Variants in TTLL10 observed in about 807,000 individuals in gnomAD.
The protein encoded by TTLL10 is inactive polyglycylase TTLL10.
In TTLL10, 61 loss-of-function variants were observed where a neutral mutation model predicts 69.0. The observed-to-expected ratio is 0.88, with a 90% CI of 0.72 to 1.09. TTLL10 has a LOEUF of 1.09. TTLL10 is among the 50% of genes least tolerant of loss of function. The probability of loss-of-function intolerance (pLI) is 0.00; values close to 1 mark genes in which losing one functional copy is unlikely to be tolerated. For missense variants in TTLL10, 962 were observed against 945.9 expected, an observed-to-expected ratio of 1.02 and a Z score of -0.22; for synonymous variants, 408 against 393.3, an observed-to-expected ratio of 1.04 and a Z score of -0.44.
In TTLL10 at chr1:1,181,238, TA is replaced by T. The variant is rs1647059006; in HGVS notation, c.755+379del. 6.6e-6 allele frequency among the ~76,000 whole-genome samples: 1 copy of T among 151,404 alleles called. No individual in the cohort carries two copies. The highest frequency in any genetic ancestry group is 2.1e-4 in the South Asian group (1 of 4,772). On this transcript the variant is annotated intron_variant, in intron 8 of 15. Transcript: ENST00000379289. The surrounding 1 kb of genome is among the most constrained non-coding windows in gnomAD (Gnocchi z 4.6). ...TGTCCATCTCACAGACCCACCCAGG[TA>T]CAACCCACCTGTCAATCTGCCTTCA...
At chr1:1,182,523 A>G in intron 10 of TTLL10, 77 bp downstream of exon 10, 3 of 1,473,156 alleles carry the variant, frequency 2.0e-6, no homozygotes, top group Non-Finnish European at 2.8e-6. Context: ...GGGGCTGATG[A>G]GGGCAGGGCT....
In TTLL10 at chr1:1,181,670, C is replaced by T; in HGVS notation, c.756-71C>T. ...CCCACTCACCACCCATGCCCCATCC[C>T]CCAGTCCCCACCCGCTCCAAGCACC... On this transcript the variant is annotated intron_variant, in intron 8 of 15. Transcript: ENST00000379289. The surrounding 1 kb of genome is among the most constrained non-coding windows in gnomAD (Gnocchi z 4.6). 6.9e-7 allele frequency: 1 copy of T among 1,450,178 alleles called. No homozygotes were observed. Among genetic ancestry groups the T allele is most frequent in the Non-Finnish European group, 9.4e-7 (1 of 1,064,200 alleles). 89.8% of individuals were successfully genotyped at this position (1,450,178 alleles called of 1,614,324 possible). A position where few individuals can be genotyped will look rare whatever the true frequency, so the allele number is the denominator to read the frequency against.
intron 4 of TTLL10, 109 bp from the exon 5 acceptor site, chr1:1,179,548 G>A (rs546679547): frequency 1.3e-5 from 19 of 1,504,716 alleles, no homozygotes; most frequent in Admixed American, 6.1e-5. Flanking sequence ...CCAGGGTTCC[G>A]CCTGGCTGGC....
chr1:1,179,660 C>T lies in TTLL10; in HGVS notation c.122C>T (p.Thr41Ile). The change falls in exon 5 of 16, where the codon ACC becomes ATC. Residue 41 changes from threonine to isoleucine, a missense_variant. By Grantham distance (89) the Thr-to-Ile change is moderately conservative. Coordinates refer to ENST00000379289, the MANE Select transcript of TTLL10 (RefSeq NM_001130045.2). ...QQRPRARVSG[T>I]IPASRLHPAP... Reference sequence around the variant, plus strand: ...CATTGTGACCCCTGCCCTCCAGGGACCATCCCTGCGTCACGTCTGCACCCA... The same window carrying T: ...CATTGTGACCCCTGCCCTCCAGGGATCATCCCTGCGTCACGTCTGCACCCA... The T allele has an allele frequency of 1.3e-6, 2 of 1,550,988 alleles. No individual in the cohort carries two copies.
rs1377916967 is a variant in TTLL10 at position 1,182,987 on chromosome 1, A to G, written c.1028A>G (p.Glu343Gly). The G allele has an allele frequency of 1.2e-6, 2 of 1,609,602 alleles. No homozygotes were observed. Among genetic ancestry groups the G allele is most frequent in the Non-Finnish European group, 1.7e-6 (2 of 1,178,568 alleles). The change falls in exon 11 of 16, where the codon GAG (glutamate) becomes GGG (glycine). Residue 343 changes from glutamate to glycine, a missense_variant. Coordinates refer to ENST00000379289, the MANE Select transcript of TTLL10 (RefSeq NM_001130045.2). ...AALQAKTRSM[E>G]DDPIHHKTPF... ...CTGCAGGCCAAGACCCGGAGCATGGAGGACGACCCCATCCACCACAAGACG... is the reference window on the plus strand; with the variant it reads ...CTGCAGGCCAAGACCCGGAGCATGGGGGACGACCCCATCCACCACAAGACG...
At chr1:1,174,656 G>C (rs1313054360) in intron 3 of TTLL10, 167 bp downstream of exon 3, 1 of 152,168 alleles carries the variant, frequency 6.6e-6, no homozygotes, top group East Asian at 1.9e-4. Context: ...ATCTCGGAGT[G>C]AGACGCTTTC....
At position 1,180,308 on chromosome 1, in the gene TTLL10, C is replaced by A. The variant is rs1341641595; in HGVS notation, c.474C>A (p.Phe158Leu). 6.3e-6 allele frequency: 10 copies of A among 1,584,998 alleles called. No homozygotes were observed. Among genetic ancestry groups the A allele is most frequent in the East Asian group, 2.3e-5 (1 of 43,292 alleles). The change falls in exon 6 of 16, where the codon TTC becomes TTA. Residue 158 changes from phenylalanine to leucine, a missense_variant. By Grantham distance (22) the Phe-to-Leu change is conservative. Coordinates refer to ENST00000379289, the MANE Select transcript of TTLL10 (RefSeq NM_001130045.2). ...PSPHSTRPGP[F>L]FYIGGSNGAT... ...CCCACAGCACCCGGCCGGGGCCCTT[C>A]TTCTACATTGGAGGCAGCAACGGGG... is the stretch of plus-strand genomic sequence containing the variant.
chr1:1,180,651 C>T lies in TTLL10; in HGVS notation c.625+50C>T, dbSNP rs369729420. ...GGGCAGCCTGCAGGGGCCTCCTGGG[C>T]CGGAGCACAGGGCAGGTTGGAGGGG... On this transcript the variant is annotated intron_variant, in intron 7 of 15. Transcript: ENST00000379289. 17 of 1,554,612 alleles carry T rather than the reference C, an allele frequency of 1.1e-5. No individual in the cohort carries two copies. The African/African-American group carries it at 1.9e-4, about 17-fold the overall frequency.
At chr1:1,186,515 G>A (rs935590074) in intron 13 of TTLL10, among the ~76,000 whole-genome samples, 1 of 152,282 alleles carries the variant, frequency 6.6e-6, no homozygotes, top group African/African-American at 2.4e-5. Context: ...AAAAATGTTT[G>A]TATGAATATA....
rs1647063005 is a variant in TTLL10, at chr1:1,181,357, G to T, written c.756-384G>T. Among the ~76,000 whole-genome samples the T allele has an allele frequency of 4.0e-5, 6 of 151,778 alleles. No homozygotes were observed. In the South Asian group the frequency reaches 1.2e-3, roughly 32 times the overall value. On this transcript the variant is annotated intron_variant, in intron 8 of 15. Transcript: ENST00000379289. This position sits in a 1 kb window ranked among gnomAD's most constrained non-coding sequence, Gnocchi z 4.6. The stretch of plus-strand genomic sequence containing the variant: ...GTGAGGCCGTCCATCGCTCACCCAA[G>T]TCTGGGCCATCCATCCTAGCGACTT...
rs923694495 is a variant in TTLL10, at chr1:1,174,452, C to A, written c.-65C>A. ...TAAAAGTCTCTTCTGTTCATCCTAC[C>A]GGGGTGCCGTCTCCTGCCGGTCTTT... On this transcript the variant is annotated 5_prime_UTR_variant, in exon 3 of 16. Coordinates refer to ENST00000379289, the MANE Select transcript of TTLL10 (RefSeq NM_001130045.2). 2 of 152,460 alleles carry A rather than the reference C, an allele frequency of 1.3e-5. No individual in the cohort carries two copies. The highest frequency in any genetic ancestry group is 2.4e-5 in the African/African-American group (1 of 41,466). 9.4% of individuals were successfully genotyped at this position (152,460 alleles called of 1,614,324 possible). A position where few individuals can be genotyped will look rare whatever the true frequency, so the allele number is the denominator to read the frequency against.
At chr1:1,197,241 C>T in intron 15 of TTLL10, 55 bp downstream of exon 15, 3 of 1,478,400 alleles carry the variant, frequency 2.0e-6, no homozygotes, top group Admixed American at 2.0e-5. Flanking sequence ...TCTTGAATGC[C>T]TACCTGCCCT....
At position 1,181,311 on chromosome 1, in the gene TTLL10, C is replaced by T. The variant is rs568380338; in HGVS notation, c.756-430C>T. Among the ~76,000 whole-genome samples the T allele has an allele frequency of 1.5e-4, 23 of 152,034 alleles. No individual in the cohort carries two copies. The highest frequency in any genetic ancestry group is 4.6e-4 in the Admixed American group (7 of 15,278). On this transcript the variant is annotated intron_variant, in intron 8 of 15. Coordinates refer to ENST00000379289, the MANE Select transcript of TTLL10 (RefSeq NM_001130045.2). This position sits in a 1 kb window ranked among gnomAD's most constrained non-coding sequence, Gnocchi z 4.6. ...ATCCACAATCCCACACCGTGCCCAC[C>T]GTCACCTGTGGGTGCCCTGAGTGAG... is the stretch of plus-strand genomic sequence containing the variant.
At chr1:1,194,656 G>A (rs1029949173) in intron 13 of TTLL10, among the ~76,000 whole-genome samples, 1 of 152,114 alleles carries the variant, frequency 6.6e-6, no homozygotes, top group Non-Finnish European at 1.5e-5. Context: ...CCCACCTCAC[G>A]ACCTCTAATG....
At chr1:1,183,705 C>T (rs942987971) in intron 11 of TTLL10, among the ~76,000 whole-genome samples, 5 of 152,244 alleles carry the variant, frequency 3.3e-5, no homozygotes, top group South Asian at 2.1e-4. Context: ...GCTCCTACTG[C>T]GGTTATGCCC....
At chr1:1,184,422 C>T (rs543691079) in intron 12 of TTLL10, among the ~76,000 whole-genome samples, 6 of 152,280 alleles carry the variant, frequency 3.9e-5, no homozygotes, top group East Asian at 1.9e-4. Flanking sequence ...GCGTCGGAAC[C>T]GAGGGGATTC....
rs186252780 is a variant in TTLL10 at position 1,193,975 on chromosome 1, T to C, written c.1402-2625T>C. Among the ~76,000 whole-genome samples the C allele has an allele frequency of 4.8e-3, 708 of 148,132 alleles. 7 individuals are homozygous for C. The highest frequency in any genetic ancestry group is 0.017 in the African/African-American group (649 of 38,574). On this transcript the variant is annotated intron_variant, in intron 13 of 15. Coordinates refer to ENST00000379289, the MANE Select transcript of TTLL10 (RefSeq NM_001130045.2). ...GCATTTGAAAGCAGCCTGGGCAACATAGTGAGACCCCATCTCTAAAAAACA... is the reference window on the plus strand; with the variant it reads ...GCATTTGAAAGCAGCCTGGGCAACACAGTGAGACCCCATCTCTAAAAAACA...
chr1:1,185,098 A>C lies in TTLL10; in HGVS notation c.1390A>C (p.Thr464Pro), dbSNP rs912227945. The change falls in exon 13 of 16, where the codon ACC becomes CCC. Residue 464 changes from threonine to proline, a missense_variant. Physicochemically the swap from Thr to Pro is conservative, Grantham distance 38. Coordinates refer to ENST00000379289, the MANE Select transcript of TTLL10 (RefSeq NM_001130045.2). The surrounding 1 kb of genome is among the most constrained non-coding windows in gnomAD (Gnocchi z 6.1). The part of the protein sequence containing the change: ...ARGLAKDWVF[T>P]TLKKRMQQIM... Reference sequence around the variant, plus strand: ...GGGCCTCGCCAAGGACTGGGTCTTCACCACCCTCAAGGTGCGTCCACTGTG... The same window carrying C: ...GGGCCTCGCCAAGGACTGGGTCTTCCCCACCCTCAAGGTGCGTCCACTGTG... 6.2e-7 allele frequency: 1 copy of C among 1,613,720 alleles called. No individual in the cohort carries two copies. The highest frequency in any genetic ancestry group is 1.7e-5 in the Admixed American group (1 of 59,968).
chr1:1,180,106 A>G lies in TTLL10; in HGVS notation c.272A>G (p.His91Arg). The stretch of plus-strand genomic sequence containing the variant: ...CGGTGTCAGCCAAGCCAGCCAGACC[A>G]CGACGCAGATGGACACTGTGGGCCG... ...GLRCQPSQPD[H>R]DADGHCGPDL... The change falls in exon 6 of 16, where the codon CAC becomes CGC. Residue 91 changes from histidine to arginine, a missense_variant. Transcript: ENST00000379289. 1 of 1,611,140 alleles carries G rather than the reference A, an allele frequency of 6.2e-7. No homozygotes were observed. The highest frequency in any genetic ancestry group is 2.2e-5 in the East Asian group (1 of 44,818).
Sources: allele counts gnomAD v4.1 joint callset (sites outside exome capture counted in the v4.1 genomes callset), GRCh38; gene constraint gnomAD v4.1.1; non-coding constraint Gnocchi (gnomAD v3.1); transcripts MANE v1.5; gene names NCBI Gene and HGNC (gene_info 2026-07-23, HGNC 2026-07-21).